The following DARS1 variants were observed in gnomAD, a reference collection of about 807,000 sequenced individuals.
DARS1 encodes the protein aspartate--tRNA ligase, cytoplasmic.
In DARS1, 51 loss-of-function variants were observed where a neutral mutation model predicts 68.8. The observed-to-expected ratio is 0.74, with a 90% CI of 0.59 to 0.94. The LOEUF is 0.94. Among genes scored for constraint, DARS1 ranks in the 40% least tolerant of loss-of-function variants. The pLI, the probability that DARS1 is intolerant of heterozygous loss-of-function variation, is 0.00. For missense variants in DARS1, 607 were observed against 597.3 expected (o/e 1.02, Z -0.17); for synonymous variants, 203 against 190.4 (o/e 1.07, Z -0.55).
At chr2:135,926,276 CATT>C (rs1005823446) in intron 7 of DARS1, among the ~76,000 whole-genome samples, 8 of 152,094 alleles carry the variant, frequency 5.3e-5, no homozygotes, top group African/African-American at 1.7e-4. Context: ...GAAATTTCAC[CATT>C]ATGTTTTTAA....
intron 7 of DARS1, among the ~76,000 whole-genome samples, chr2:135,928,573 C>T (rs949188302): frequency 3.5e-4 from 53 of 151,578 alleles, no homozygotes; most frequent in African/African-American, 1.3e-3. Flanking sequence ...GTCTTGAACT[C>T]CTGACCTCAA....
intron 4 of DARS1, among the ~76,000 whole-genome samples, chr2:135,946,180 TA>T (rs1681715929): frequency 6.6e-6 from 1 of 152,092 alleles, no homozygotes; most frequent in African/African-American, 2.4e-5. Context: ...AGTAGAAGAA[TA>T]AAATTCTACT....
chr2:135,965,525 C>T (rs1682205105), intron 3 of DARS1, among the ~76,000 whole-genome samples: 1 of 152,112 alleles, frequency 6.6e-6, no homozygotes, highest in East Asian at 1.9e-4. Flanking sequence ...AGATTATTTA[C>T]CTCTCAAATG....
In DARS1 at chr2:135,981,704, T is replaced by C. The variant is rs961722427; in HGVS notation, c.124+1693A>G. 4.0e-5 allele frequency among the ~76,000 whole-genome samples: 6 copies of C among 150,188 alleles called. No homozygotes were observed. In the East Asian group the frequency reaches 9.7e-4, roughly 24 times the overall value. ...TTTTTTTTTTGACAGGGTCTCACTC[T>C]GTTGCCCAGGCTGAAGTCCAGTGGT... On this transcript the variant is annotated intron_variant, in intron 2 of 15. Transcript: ENST00000264161.
intron 4 of DARS1, 31 bp from the exon 5 acceptor site, chr2:135,943,511 C>T (rs1159740558): frequency 6.2e-7 from 1 of 1,608,558 alleles, no homozygotes; most frequent in Admixed American, 1.7e-5. Flanking sequence ...CAACTTGAAT[C>T]ATCTCATCAG....
chr2:135,944,151 A>C (rs1480383021), intron 4 of DARS1, among the ~76,000 whole-genome samples: 8 of 152,168 alleles, frequency 5.3e-5, no homozygotes, highest in Non-Finnish European at 1.0e-4. Flanking sequence ...AAATTCTAAA[A>C]TACAAAATTT....
chr2:135,935,929 T>C (rs981955029), intron 5 of DARS1, among the ~76,000 whole-genome samples: 1 of 152,174 alleles, frequency 6.6e-6, no homozygotes, highest in African/African-American at 2.4e-5. Flanking sequence ...TATTATAAAA[T>C]AGAACTATTT....
rs200897445 is a variant in DARS1, at chr2:135,920,512, G to A, written c.900C>T (p.His300=). ...TGTCAGCAATTTCTTCCATAACTTC[G>A]TGGTAATGGTAATTAAAAGCCATTT... ...DIEMAFNYHY[H]EVMEEIADTM... is the part of the protein sequence containing the mutation. Residue 300 remains histidine (H), a synonymous_variant, in exon 10 of 16, where the codon CAC becomes CAT. Coordinates refer to ENST00000264161, the MANE Select transcript of DARS1 (RefSeq NM_001349.4). 6.4e-5 allele frequency: 104 copies of A among 1,613,528 alleles called. No homozygotes were observed. Among genetic ancestry groups the A allele is most frequent in the Non-Finnish European group, 7.7e-5 (91 of 1,179,820 alleles).
At chr2:135,976,006 C>T (rs1219698657) in intron 3 of DARS1, among the ~76,000 whole-genome samples, 2 of 152,070 alleles carry the variant, frequency 1.3e-5, no homozygotes, top group African/African-American at 2.4e-5. Context: ...GTCAGTTTTC[C>T]ACTTTATACC....
At position 135,932,159 on chromosome 2, in the gene DARS1, C is replaced by CA. The variant is rs775589070; in HGVS notation, c.564+623dup. 7.9e-5 allele frequency among the ~76,000 whole-genome samples: 12 copies of CA among 152,124 alleles called. No individual in the cohort carries two copies. In the East Asian group the frequency reaches 9.7e-4, roughly 12 times the overall value. On this transcript the variant is annotated intron_variant, in intron 7 of 15. Coordinates refer to ENST00000264161, the MANE Select transcript of DARS1 (RefSeq NM_001349.4). ...TAGCCAAGAAGAACTCTTAAGGTGA[C>CA]AAAAAATTTGAGCTTGAGTAGAATA...
intron 15 of DARS1, 114 bp from the exon 16 acceptor site, chr2:135,907,521 G>C: frequency 1.6e-6 from 1 of 638,906 alleles, no homozygotes; most frequent in Non-Finnish European, 2.6e-6. Flanking sequence ...TGTTAGGAAA[G>C]AAAATGACTC....
chr2:135,926,394 CATT>C (rs1371527029), intron 7 of DARS1, among the ~76,000 whole-genome samples: 6 of 151,892 alleles, frequency 4.0e-5, no homozygotes, highest in Non-Finnish European at 4.4e-5. Flanking sequence ...ATTTTTTTCT[CATT>C]AGTTTCTTCA....
At chr2:135,964,230 C>A (rs376009639) in intron 3 of DARS1, among the ~76,000 whole-genome samples, 12 of 152,122 alleles carry the variant, frequency 7.9e-5, no homozygotes, top group African/African-American at 2.7e-4. Context: ...GGGAAAAAAA[C>A]CACCAAAATG....
intron 5 of DARS1, among the ~76,000 whole-genome samples, chr2:135,942,145 C>T (rs1173210734): frequency 6.6e-6 from 1 of 152,054 alleles, no homozygotes; most frequent in East Asian, 1.9e-4. Flanking sequence ...CCAGCCATCC[C>T]ATTACTGGGT....
At chr2:135,975,226 T>A (rs571340305) in intron 3 of DARS1, among the ~76,000 whole-genome samples, 5 of 152,146 alleles carry the variant, frequency 3.3e-5, no homozygotes, top group African/African-American at 1.2e-4. Context: ...GTGTCTGTAG[T>A]CCCAGCTACT....
chr2:135,975,871 C>T (rs750913847), intron 3 of DARS1, among the ~76,000 whole-genome samples: 9 of 150,788 alleles, frequency 6.0e-5, no homozygotes, highest in Non-Finnish European at 1.2e-4. Context: ...ATTGCTTCAA[C>T]CCAGGAGGCA....
chr2:135,914,251 TA>T (rs1358587726), intron 12 of DARS1, among the ~76,000 whole-genome samples: 2 of 152,224 alleles, frequency 1.3e-5, no homozygotes, highest in African/African-American at 2.4e-5. Context: ...GTAAAAATAT[TA>T]AATACTGAGT....
intron 2 of DARS1, among the ~76,000 whole-genome samples, chr2:135,982,360 C>T (rs920841742): frequency 1.3e-5 from 2 of 151,784 alleles, no homozygotes; most frequent in African/African-American, 4.8e-5. Context: ...TTTGGGAGGC[C>T]GAGGTGGGTG....
At chr2:135,953,838 A>C (rs1010467897) in intron 4 of DARS1, among the ~76,000 whole-genome samples, 1 of 152,108 alleles carries the variant, frequency 6.6e-6, no homozygotes, top group African/African-American at 2.4e-5. Flanking sequence ...TTTTAGCAGG[A>C]ATTTATCACT....
Sources: gnomAD v4.1 joint callset for allele counts (sites outside exome capture counted in the v4.1 genomes callset) on GRCh38, gnomAD v4.1.1 for gene constraint, MANE v1.5 for transcripts, NCBI Gene and HGNC (gene_info 2026-07-23, HGNC 2026-07-21) for gene names.